The following EIPR1 variants were observed in gnomAD, a reference collection of about 807,000 sequenced individuals.
EIPR1 encodes the protein EARP and GARP complex-interacting protein 1.
Under a neutral mutation model 48.1 loss-of-function variants are expected in EIPR1, and 25 were observed. The observed-to-expected ratio is 0.52, with a 90% CI of 0.38 to 0.73. The LOEUF is 0.73. Ranked by LOEUF, EIPR1 falls within the 30% of genes least tolerant of loss-of-function variation. EIPR1 has a pLI of 0.00. For synonymous variants in EIPR1, 204 were observed against 201.9 expected (o/e 1.01, Z -0.09); for missense variants, 415 against 506.2 (o/e 0.82, Z 1.73).
chr2:3,272,695 T>C (rs1198490220), intron 3 of EIPR1, among the ~76,000 whole-genome samples: 1 of 152,106 alleles, frequency 6.6e-6, no homozygotes, highest in Admixed American at 6.5e-5. Flanking sequence ...GATATAATAA[T>C]GATGAAAAAA....
intron 4 of EIPR1, 70 bp downstream of exon 4, chr2:3,257,229 T>A: frequency 6.6e-7 from 1 of 1,506,890 alleles, no homozygotes; most frequent in Non-Finnish European, 8.9e-7. Flanking sequence ...TGCAAAGGAA[T>A]CTGCACAAGC....
intron 3 of EIPR1, among the ~76,000 whole-genome samples, chr2:3,321,124 G>A (rs1669515482): frequency 6.6e-6 from 1 of 152,174 alleles, no homozygotes; most frequent in South Asian, 2.1e-4. Flanking sequence ...CCCGGCCCAG[G>A]GAGAGCTCTC....
chr2:3,375,235 T>TGGGGGGA, intron 1 of EIPR1, among the ~76,000 whole-genome samples: 1 of 61,778 alleles, frequency 1.6e-5, no homozygotes, highest in Admixed American at 2.6e-4. Context: ...TGTTGTGGGG[T>TGGGGGGA]GGGGGGAGGG....
intron 3 of EIPR1, chr2:3,319,267 C>T: frequency 3.3e-6 from 1 of 305,360 alleles, no homozygotes. Flanking sequence ...GTCAGGTGCT[C>T]TGGAAGTGCG....
At chr2:3,340,600 TTATAA>T (rs1670209756) in intron 2 of EIPR1, among the ~76,000 whole-genome samples, 1 of 152,252 alleles carries the variant, frequency 6.6e-6, no homozygotes, top group South Asian at 2.1e-4. Context: ...GTTACACATT[TTATAA>T]TATATTATTA....
intron 3 of EIPR1, among the ~76,000 whole-genome samples, chr2:3,310,633 A>G (rs1245615492): frequency 7.0e-6 from 1 of 143,218 alleles, no homozygotes; most frequent in Non-Finnish European, 1.5e-5. Flanking sequence ...AGCCTGGGCG[A>G]CAGAGCCAGA....
At chr2:3,255,556 T>C (rs1667128973) in intron 4 of EIPR1, among the ~76,000 whole-genome samples, 1 of 152,234 alleles carries the variant, frequency 6.6e-6, no homozygotes, top group Admixed American at 6.5e-5. Flanking sequence ...CAGTTCCCCA[T>C]GACACACACC....
intron 4 of EIPR1, 95 bp downstream of exon 4, chr2:3,257,204 G>T: frequency 7.3e-7 from 1 of 1,377,658 alleles, no homozygotes; most frequent in Non-Finnish European, 9.8e-7. Context: ...TTTCCGAGGT[G>T]TGGACGGTGG....
intron 3 of EIPR1, 175 bp from the exon 4 acceptor site, chr2:3,257,630 C>G (rs965843462): frequency 9.7e-6 from 6 of 616,010 alleles, no homozygotes; most frequent in African/African-American, 9.4e-5. Flanking sequence ...AGTCGGCAGG[C>G]AGAACCCGGC....
intron 5 of EIPR1, among the ~76,000 whole-genome samples, chr2:3,203,866 C>CCT (rs1665133954): frequency 6.6e-6 from 1 of 152,214 alleles, no homozygotes; most frequent in Non-Finnish European, 1.5e-5. Flanking sequence ...GAATCCAGGC[C>CCT]CTCAGTCCAG....
At chr2:3,348,021 C>T (rs1188194428) in intron 2 of EIPR1, among the ~76,000 whole-genome samples, 1 of 152,170 alleles carries the variant, frequency 6.6e-6, no homozygotes, top group Non-Finnish European at 1.5e-5. Flanking sequence ...GAATGTTGAC[C>T]AAGCACCCTG....
intron 3 of EIPR1, among the ~76,000 whole-genome samples, chr2:3,267,829 CA>C (rs1372562593): frequency 6.6e-6 from 1 of 152,258 alleles, no homozygotes; most frequent in East Asian, 1.9e-4. Flanking sequence ...GAATGGCCTA[CA>C]AAGCCTAAAA....
At chr2:3,283,643 G>C (rs577351190) in intron 3 of EIPR1, among the ~76,000 whole-genome samples, 1 of 152,328 alleles carries the variant, frequency 6.6e-6, no homozygotes, top group Non-Finnish European at 1.5e-5. Flanking sequence ...TTAAAGAGGG[G>C]AAGAAAAGAA....
intron 3 of EIPR1, among the ~76,000 whole-genome samples, chr2:3,284,173 C>T (rs1167520037): frequency 9.4e-5 from 14 of 148,648 alleles, no homozygotes; most frequent in Admixed American, 8.0e-4. Context: ...CACAGAAGGC[C>T]GTGCCACGGC....
intron 3 of EIPR1, among the ~76,000 whole-genome samples, chr2:3,273,719 C>T (rs761909563): frequency 5.8e-4 from 89 of 152,214 alleles, no homozygotes; most frequent in Non-Finnish European, 1.1e-3. Flanking sequence ...GGACATTTTC[C>T]ATAAACAAAT....
chr2:3,220,458 G>A (rs1015071170), intron 4 of EIPR1, among the ~76,000 whole-genome samples: 6 of 151,952 alleles, frequency 3.9e-5, no homozygotes, highest in African/African-American at 1.5e-4. Flanking sequence ...GCTGAAATAA[G>A]TGAGTCAGGT....
intron 5 of EIPR1, among the ~76,000 whole-genome samples, chr2:3,203,138 A>G (rs114619252): frequency 0.012 from 1,818 of 152,356 alleles, 37 homozygotes; most frequent in African/African-American, 0.042. Flanking sequence ...GAATATCACC[A>G]TTTGACAGAT....
At chr2:3,299,618 T>TCACACACACA (rs1212478991) in intron 3 of EIPR1, among the ~76,000 whole-genome samples, 7 of 126,076 alleles carry the variant, frequency 5.6e-5, no homozygotes, top group African/African-American at 2.1e-4. Flanking sequence ...TCTCTCTCTC[T>TCACACACACA]CTCTCTCACA....
chr2:3,351,548 C>T (rs912012928), intron 2 of EIPR1, among the ~76,000 whole-genome samples: 2 of 152,166 alleles, frequency 1.3e-5, no homozygotes, highest in African/African-American at 4.8e-5. Flanking sequence ...CCACTATCTC[C>T]CATGTGGGTT....
Sources: allele counts gnomAD v4.1 joint callset (sites outside exome capture counted in the v4.1 genomes callset), GRCh38; gene constraint gnomAD v4.1.1; transcripts MANE v1.5; gene names NCBI Gene and HGNC (gene_info 2026-07-23, HGNC 2026-07-21).